Variants in ZNF579 observed in about 807,000 individuals in gnomAD.
The protein encoded by ZNF579 is zinc finger protein 579.
In ZNF579, 3 loss-of-function variants were observed where a neutral mutation model predicts 5.7. The ratio of observed to expected loss-of-function variants is 0.53; its 90% CI spans 0.24 to 1.36. The LOEUF (loss-of-function observed/expected upper bound fraction) is 1.36. Ranked by LOEUF, ZNF579 falls within the 40% of genes most tolerant of loss-of-function variation. ZNF579 has a pLI of 0.16. For synonymous variants in ZNF579, 454 were observed against 409.0 expected (o/e 1.11, Z -1.33); for missense variants, 679 against 877.6 (o/e 0.77, Z 2.86).
Position 55,577,913 on chromosome 19 carries a change from G to A in ZNF579, c.*38C>T. The A allele has an allele frequency of 6.4e-7, 1 of 1,554,390 alleles. No homozygotes were observed. Among genetic ancestry groups the A allele is most frequent in the Non-Finnish European group, 8.7e-7 (1 of 1,150,924 alleles). On this transcript the variant is annotated 3_prime_UTR_variant, in exon 2 of 2. Coordinates refer to ENST00000325421, the MANE Select transcript of ZNF579 (RefSeq NM_152600.3). Reference sequence around the variant, plus strand: ...TCCCTCCTCCATTCTGCAAACCGGGGAGCTCAGGCGGAGCGGCGGAGGGCA... The same window carrying A: ...TCCCTCCTCCATTCTGCAAACCGGGAAGCTCAGGCGGAGCGGCGGAGGGCA...
chr19:55,577,117 G>A lies in ZNF579; in HGVS notation c.*834C>T, dbSNP rs1979393003. On this transcript the variant is annotated 3_prime_UTR_variant, in exon 2 of 2. Coordinates refer to ENST00000325421, the MANE Select transcript of ZNF579 (RefSeq NM_152600.3). The stretch of plus-strand genomic sequence containing the variant: ...AACAGAGTGAGGGAAGAAAGATTAT[G>A]GAAACTTTTCTGAGAAAAAAAAAAA... 6.6e-6 allele frequency: 1 copy of A among 151,990 alleles called. No individual in the cohort carries two copies. Among genetic ancestry groups the A allele is most frequent in the South Asian group, 2.1e-4 (1 of 4,802 alleles). The allele number at this position is 151,990 out of a possible 1,614,324, so 9.4% of individuals were successfully genotyped here.
At position 55,578,852 on chromosome 19, in the gene ZNF579, G is replaced by A. The variant is rs1263860770; in HGVS notation, c.788C>T (p.Pro263Leu). The A allele has an allele frequency of 6.3e-7, 1 of 1,599,794 alleles. No homozygotes were observed. The highest frequency in any genetic ancestry group is 1.3e-5 in the African/African-American group (1 of 74,178). Residue 263 changes from proline (P) to leucine (L), a missense_variant, in exon 2 of 2, where the codon CCC (proline) becomes CTC (leucine). Coordinates refer to ENST00000325421, the MANE Select transcript of ZNF579 (RefSeq NM_152600.3). ...CTGGTGTCGCTTGGGGCGTGGCGGG[G>A]GCCCCCCTTCCCCTTCCTGTTCGCC... is the stretch of plus-strand genomic sequence containing the variant. ...PEGEQEGEGG[P>L]PPRPKRHQCS...
Position 55,579,136 on chromosome 19 carries a change from T to G in ZNF579, c.504A>C (p.Ala168=). 6.6e-7 allele frequency: 1 copy of G among 1,525,216 alleles called. No individual in the cohort carries two copies. The allele number at this position is 1,525,216 out of a possible 1,614,324, so 94.5% of individuals were successfully genotyped here. A position where few individuals can be genotyped will look rare whatever the true frequency, so the allele number is the denominator to read the frequency against. Residue 168 remains alanine, a synonymous_variant, in exon 2 of 2, where the codon GCA becomes GCC. Coordinates refer to ENST00000325421, the MANE Select transcript of ZNF579 (RefSeq NM_152600.3). ...AAGATEEEAV[A]AWPETWPAGE... is the part of the protein sequence containing the mutation. ...CCGCAGGCCACGTCTCAGGCCACGC[T>G]GCGACCGCCTCCTCCTCCGTGGCCC...
Position 55,579,534 on chromosome 19 carries a change from C to A in ZNF579, c.106G>T (p.Gly36Cys). 4 of 1,449,330 alleles carry A rather than the reference C, an allele frequency of 2.8e-6. No homozygotes were observed. The South Asian group carries it at 4.1e-5, about 15-fold the overall frequency. 89.8% of individuals were successfully genotyped at this position (1,449,330 alleles called of 1,614,324 possible). Residue 36 changes from glycine to cysteine, a missense_variant, in exon 2 of 2, where the codon GGC (glycine) becomes TGC (cysteine). Physicochemically the swap from Gly to Cys is radical, Grantham distance 159. Coordinates refer to ENST00000325421, the MANE Select transcript of ZNF579 (RefSeq NM_152600.3). ...RGRGRGRGRGGAGAPRAPLPC... is the reference protein window; with the variant it reads ...RGRGRGRGRGCAGAPRAPLPC... Reference sequence around the variant, plus strand: ...AGGGGCGCCCTAGGGGCTCCAGCGCCCCCCCTGCCACGGCCACGGCCCCGA... The same window carrying A: ...AGGGGCGCCCTAGGGGCTCCAGCGCACCCCCTGCCACGGCCACGGCCCCGA...
At position 55,577,742 on chromosome 19, in the gene ZNF579, T is replaced by G; in HGVS notation, c.*209A>C. ...CCAAGTCGTCCTGCCTTAAGACACA[T>G]GTTGGGGTGAGCGGTTCCTAACCAG... On this transcript the variant is annotated 3_prime_UTR_variant, in exon 2 of 2. Transcript: ENST00000325421. 1.7e-4 allele frequency: 143 copies of G among 851,636 alleles called. No individual in the cohort carries two copies. Among genetic ancestry groups the G allele is most frequent in the Middle Eastern group, 3.8e-4 (1 of 2,630 alleles). The allele number at this position is 851,636 out of a possible 1,614,324, so 52.8% of individuals were successfully genotyped here.
In ZNF579 at chr19:55,579,465, G is replaced by C; in HGVS notation, c.175C>G (p.Leu59Val). 2.2e-6 allele frequency: 3 copies of C among 1,350,020 alleles called. No homozygotes were observed. The highest frequency in any genetic ancestry group is 2.9e-6 in the Non-Finnish European group (3 of 1,049,642). 83.6% of individuals were successfully genotyped at this position (1,350,020 alleles called of 1,614,324 possible). A position where few individuals can be genotyped will look rare whatever the true frequency, so the allele number is the denominator to read the frequency against. The change falls in exon 2 of 2, where the codon CTC (leucine) becomes GTC (valine). Residue 59 changes from leucine to valine, a missense_variant. Leu to Val is a conservative substitution (Grantham distance 32). Around this residue, in one of 6 missense-constraint regions of ZNF579, gnomAD observed 134 missense variants for 208.9 expected, o/e 0.64. Transcript: ENST00000325421. ...CGRLFRFPYY[L>V]SRHRLSHSGL... Reference sequence around the variant, plus strand: ...GAGTGGCTCAGCCGGTGCCGGGAGAGGTAGTAGGGGAAACGGAAGAGGCGG... The same window carrying C: ...GAGTGGCTCAGCCGGTGCCGGGAGACGTAGTAGGGGAAACGGAAGAGGCGG...
chr19:55,579,193 C>T lies in ZNF579; in HGVS notation c.447G>A (p.Glu149=), dbSNP rs1211535477. The T allele has an allele frequency of 6.6e-7, 1 of 1,524,714 alleles. No individual in the cohort carries two copies. The highest frequency in any genetic ancestry group is 8.8e-7 in the Non-Finnish European group (1 of 1,141,752). 94.4% of individuals were successfully genotyped at this position (1,524,714 alleles called of 1,614,324 possible). ...CAGCGGTGGTGGGCGGCTCCGAGCC[C>T]TCGTCCTGCGGGCCCCAGCTGGGTT... is the stretch of plus-strand genomic sequence containing the variant. ...TAEPSWGPQD[E]GSEPPTTAAA... is the part of the protein sequence containing the mutation. Residue 149 remains glutamate, a synonymous_variant, in exon 2 of 2, where the codon GAG becomes GAA. Coordinates refer to ENST00000325421, the MANE Select transcript of ZNF579 (RefSeq NM_152600.3).
In ZNF579 at chr19:55,577,661, CG is replaced by C. The variant is rs1330201892; in HGVS notation, c.*289del. ...GTGTGTGAAACGGGGGACAGGGAGG[CG>C]GGGGCGTCCCCACCAGTCTCCATCC... On this transcript the variant is annotated 3_prime_UTR_variant, in exon 2 of 2. Coordinates refer to ENST00000325421, the MANE Select transcript of ZNF579 (RefSeq NM_152600.3). 1.2e-5 allele frequency: 6 copies of C among 485,404 alleles called. No homozygotes were observed. The highest frequency in any genetic ancestry group is 1.0e-4 in the African/African-American group (5 of 50,102). 30.1% of individuals were successfully genotyped at this position (485,404 alleles called of 1,614,324 possible).
Position 55,578,600 on chromosome 19 carries a change from T to C in ZNF579, c.1040A>G (p.Lys347Arg). The change falls in exon 2 of 2, where the codon AAG (lysine) becomes AGG (arginine). Residue 347 changes from lysine (K) to arginine (R), a missense_variant. By Grantham distance (26) the Lys-to-Arg change is conservative. Coordinates refer to ENST00000325421, the MANE Select transcript of ZNF579 (RefSeq NM_152600.3). ...CGCCCCCTCGCCCCCCTCCGGCCCC[T>C]TGGCTGAGTTCCGTGCACCCGAGGC... The part of the protein sequence containing the change: ...DKASGARNSA[K>R]GPEGGEGAEC... 1 of 1,512,940 alleles carries C rather than the reference T, an allele frequency of 6.6e-7. No homozygotes were observed. The highest frequency in any genetic ancestry group is 8.8e-7 in the Non-Finnish European group (1 of 1,142,526). 93.7% of individuals were successfully genotyped at this position (1,512,940 alleles called of 1,614,324 possible).
chr19:55,577,458 G>A lies in ZNF579; in HGVS notation c.*493C>T. 6.0e-6 allele frequency: 1 copy of A among 165,502 alleles called. No homozygotes were observed. The allele number at this position is 165,502 out of a possible 1,614,324, so 10.3% of individuals were successfully genotyped here. A position where few individuals can be genotyped will look rare whatever the true frequency, so the allele number is the denominator to read the frequency against. On this transcript the variant is annotated 3_prime_UTR_variant, in exon 2 of 2. Coordinates refer to ENST00000325421, the MANE Select transcript of ZNF579 (RefSeq NM_152600.3). ...TGCTCTGAACCCAAGTTCAGAGTTGGCTGGACAAATCCTGACTCGCCCCAG... is the reference window on the plus strand; with the variant it reads ...TGCTCTGAACCCAAGTTCAGAGTTGACTGGACAAATCCTGACTCGCCCCAG...
rs755013475 is a variant in ZNF579, at chr19:55,578,064, C to T, written c.1576G>A (p.Val526Ile). 2 of 1,583,076 alleles carry T rather than the reference C, an allele frequency of 1.3e-6. No individual in the cohort carries two copies. The highest frequency in any genetic ancestry group is 2.3e-5 in the East Asian group (1 of 43,770). Residue 526 changes from valine to isoleucine, a missense_variant, in exon 2 of 2, where the codon GTC becomes ATC. Physicochemically the swap from Val to Ile is conservative, Grantham distance 29 (BLOSUM62 3). This residue lies in a region of ZNF579 where 116 missense variants were observed against 121.9 expected (regional missense o/e 0.95). Transcript: ENST00000325421. ...TPPQSPPAPP[V>I]FLSASCFDSQ... Reference sequence around the variant, plus strand: ...TCGAAACAGGAGGCGCTGAGGAAGACAGGGGGAGCCGGCGGGGACTGGGGT... The same window carrying T: ...TCGAAACAGGAGGCGCTGAGGAAGATAGGGGGAGCCGGCGGGGACTGGGGT...
Position 55,579,290 on chromosome 19 carries a change from C to T in ZNF579, c.350G>A (p.Arg117His), listed in dbSNP as rs1478953920. 6.6e-7 allele frequency: 1 copy of T among 1,511,014 alleles called. No homozygotes were observed. The highest frequency in any genetic ancestry group is 8.8e-7 in the Non-Finnish European group (1 of 1,134,072). The allele number at this position is 1,511,014 out of a possible 1,614,324, so 93.6% of individuals were successfully genotyped here. A position where few individuals can be genotyped will look rare whatever the true frequency, so the allele number is the denominator to read the frequency against. ...RTFPEPAQLR[R>H]HLAQEHAGGE... The stretch of plus-strand genomic sequence containing the variant: ...GCCCGCGTGCTCCTGAGCCAGGTGG[C>T]GCCTGAGCTGGGCCGGTTCTGGGAA... The change falls in exon 2 of 2, where the codon CGC (arginine) becomes CAC (histidine). Residue 117 changes from arginine (R) to histidine (H), a missense_variant. This residue lies in a region of ZNF579 where 134 missense variants were observed against 208.9 expected (regional missense o/e 0.64). Transcript: ENST00000325421.
chr19:55,579,397 G>A lies in ZNF579; in HGVS notation c.243C>T (p.Phe81=). The part of the protein sequence containing the change: ...PHACPLCPKA[F]RRPAHLSRHL... The stretch of plus-strand genomic sequence containing the variant: ...GGCGGGAAAGGTGGGCCGGCCGGCG[G>A]AAGGCCTTGGGGCACAGCGGGCAGG... The change falls in exon 2 of 2, where the codon TTC becomes TTT. Residue 81 remains phenylalanine, a synonymous_variant. Transcript: ENST00000325421. 1 of 1,340,770 alleles carries A rather than the reference G, an allele frequency of 7.5e-7. No individual in the cohort carries two copies. The highest frequency in any genetic ancestry group is 9.6e-7 in the Non-Finnish European group (1 of 1,045,510). 83.1% of individuals were successfully genotyped at this position (1,340,770 alleles called of 1,614,324 possible).
rs371296726 is a variant in ZNF579, at chr19:55,578,619, C to A, written c.1021G>T (p.Gly341Cys). 5 of 1,527,130 alleles carry A rather than the reference C, an allele frequency of 3.3e-6. 1 individual carries two copies. The South Asian group carries it at 6.3e-5, about 19-fold the overall frequency. The allele number at this position is 1,527,130 out of a possible 1,614,324, so 94.6% of individuals were successfully genotyped here. A position where few individuals can be genotyped will look rare whatever the true frequency, so the allele number is the denominator to read the frequency against. The change falls in exon 2 of 2, where the codon GGT becomes TGT. Residue 341 changes from glycine (G) to cysteine (C), a missense_variant. Gly to Cys is a radical substitution (Grantham distance 159). This residue lies in a region of ZNF579 where 114 missense variants were observed against 98.9 expected (regional missense o/e 1.15). Coordinates refer to ENST00000325421, the MANE Select transcript of ZNF579 (RefSeq NM_152600.3). Reference protein sequence around the residue: ...AAGKKDDKASGARNSAKGPEG... With the variant: ...AAGKKDDKASCARNSAKGPEG... ...GGCCCCTTGGCTGAGTTCCGTGCACCCGAGGCCTTGTCGTCCTTCTTGCCC... is the reference window on the plus strand; with the variant it reads ...GGCCCCTTGGCTGAGTTCCGTGCACACGAGGCCTTGTCGTCCTTCTTGCCC...
chr19:55,578,039 T>C lies in ZNF579; in HGVS notation c.1601A>G (p.Asp534Gly). Residue 534 changes from aspartate to glycine, a missense_variant, in exon 2 of 2, where the codon GAC (aspartate) becomes GGC (glycine). By Grantham distance (94) the Asp-to-Gly change is moderately conservative. Coordinates refer to ENST00000325421, the MANE Select transcript of ZNF579 (RefSeq NM_152600.3). ...CTCGAAGGCTGAGTGGTCTTGGCTG[T>C]CGAAACAGGAGGCGCTGAGGAAGAC... Reference protein sequence around the residue: ...PPVFLSASCFDSQDHSAFEME... With the variant: ...PPVFLSASCFGSQDHSAFEME... 6.3e-7 allele frequency: 1 copy of C among 1,595,004 alleles called. No individual in the cohort carries two copies. The highest frequency in any genetic ancestry group is 8.5e-7 in the Non-Finnish European group (1 of 1,171,138).
chr19:55,579,415 C>T lies in ZNF579; in HGVS notation c.225G>A (p.Pro75=), dbSNP rs915946483. The change falls in exon 2 of 2, where the codon CCG becomes CCA. Residue 75 remains proline, a synonymous_variant. Transcript: ENST00000325421. ...SHSGLRPHAC[P]LCPKAFRRPA... is the part of the protein sequence containing the mutation. The stretch of plus-strand genomic sequence containing the variant: ...GCCGGCGGAAGGCCTTGGGGCACAG[C>T]GGGCAGGCGTGGGGCCGGAGCCCCG... The T allele has an allele frequency of 3.7e-6, 5 of 1,335,046 alleles. No individual in the cohort carries two copies. The highest frequency in any genetic ancestry group is 4.8e-6 in the Non-Finnish European group (5 of 1,041,150). The allele number at this position is 1,335,046 out of a possible 1,614,324, so 82.7% of individuals were successfully genotyped here. A position where few individuals can be genotyped will look rare whatever the true frequency, so the allele number is the denominator to read the frequency against.
chr19:55,579,850 C>A, intron 1 of ZNF579: 1 of 457,734 alleles, frequency 2.2e-6, no homozygotes, highest in South Asian at 5.8e-5. Context: ...AGATCAGAGA[C>A]AGAGCGACAG....
rs777869091 is a variant in ZNF579 at position 55,579,321 on chromosome 19, G to A, written c.319C>T (p.Arg107Cys). 9.6e-6 allele frequency: 14 copies of A among 1,459,950 alleles called. No homozygotes were observed. Among genetic ancestry groups the A allele is most frequent in the Middle Eastern group, 2.2e-4 (1 of 4,486 alleles). The allele number at this position is 1,459,950 out of a possible 1,614,324, so 90.4% of individuals were successfully genotyped here. The part of the protein sequence containing the change: ...QPPLRCAACP[R>C]TFPEPAQLRR... The stretch of plus-strand genomic sequence containing the variant: ...AGCTGGGCCGGTTCTGGGAAGGTGC[G>A]GGGGCAGGCGGCGCAGCGCAGCGGG... Residue 107 changes from arginine (R) to cysteine (C), a missense_variant, in exon 2 of 2, where the codon CGC (arginine) becomes TGC (cysteine). By Grantham distance (180) the Arg-to-Cys change is radical (BLOSUM62 -3). Coordinates refer to ENST00000325421, the MANE Select transcript of ZNF579 (RefSeq NM_152600.3).
chr19:55,580,062 T>G (rs1166880909), intron 1 of ZNF579: 3 of 160,106 alleles, frequency 1.9e-5, no homozygotes, highest in Non-Finnish European at 4.0e-5. Flanking sequence ...GAGGCAGAGA[T>G]AGTGCAAGAG....
Sources: gnomAD v4.1 joint callset for allele counts on GRCh38, gnomAD v4.1.1 for gene constraint, gnomAD v4.1.1 regional missense constraint, MANE v1.5 for transcripts, NCBI Gene and HGNC (gene_info 2026-07-23, HGNC 2026-07-21) for gene names.